The following NRG3 variants were observed in gnomAD, a reference collection of about 807,000 sequenced individuals.
NRG3 encodes the protein pro-neuregulin-3, membrane-bound isoform.
Under a neutral mutation model 66.9 loss-of-function variants are expected in NRG3, and 31 were observed. That is an observed-to-expected ratio of 0.46 (90% CI 0.35 to 0.63). The LOEUF is 0.63. NRG3 is among the 20% of genes least tolerant of loss of function. The pLI is 0.00. For missense variants in NRG3, 910 were observed against 878.9 expected (o/e 1.04, Z -0.45); for synonymous variants, 393 against 359.4 (o/e 1.09, Z -1.06).
chr10:82,739,570 G>A (rs1277514613), intron 3 of NRG3, among the ~76,000 whole-genome samples: 1 of 152,122 alleles, frequency 6.6e-6, no homozygotes, highest in Admixed American at 6.5e-5. Context: ...ACGTGTCTAG[G>A]CATCTTCCAA....
chr10:82,049,572 T>A (rs1013065852), intron 1 of NRG3, among the ~76,000 whole-genome samples: 2 of 152,142 alleles, frequency 1.3e-5, no homozygotes, highest in African/African-American at 4.8e-5. Flanking sequence ...GACTTTATGT[T>A]GTTTCTGCTT....
chr10:82,028,945 A>G (rs2062441185), intron 1 of NRG3, among the ~76,000 whole-genome samples: 1 of 152,114 alleles, frequency 6.6e-6, no homozygotes, highest in Admixed American at 6.6e-5. Context: ...GCGGTGGCTC[A>G]CACCTGTAAT....
chr10:82,238,902 A>C (rs894123726), intron 1 of NRG3, among the ~76,000 whole-genome samples: 1 of 148,778 alleles, frequency 6.7e-6, no homozygotes, highest in African/African-American at 2.5e-5. Flanking sequence ...CATTATTTTT[A>C]GGTTATACCG....
chr10:82,701,066 A>G (rs1316100699), intron 2 of NRG3, among the ~76,000 whole-genome samples: 1 of 151,996 alleles, frequency 6.6e-6, no homozygotes, highest in Non-Finnish European at 1.5e-5. Context: ...TATATATTAT[A>G]GATGAAGATA....
chr10:82,029,369 A>ATAC (rs2132860001), intron 1 of NRG3, among the ~76,000 whole-genome samples: 1 of 152,278 alleles, frequency 6.6e-6, no homozygotes, highest in South Asian at 2.1e-4. Flanking sequence ...GGATTAAATT[A>ATAC]AATCATGTAT....
intron 4 of NRG3, among the ~76,000 whole-genome samples, chr10:82,921,386 G>A (rs1476308318): frequency 6.6e-6 from 1 of 152,074 alleles, no homozygotes; most frequent in Non-Finnish European, 1.5e-5. Flanking sequence ...TCCAGATGAG[G>A]GATTTGAATA....
chr10:81,948,261 C>T (rs1849027618), intron 1 of NRG3, among the ~76,000 whole-genome samples: 1 of 152,168 alleles, frequency 6.6e-6, no homozygotes, highest in Non-Finnish European at 1.5e-5. Context: ...TCCTATACAG[C>T]CCCTTCCCCT....
chr10:82,058,255 T>G (rs184743131), intron 1 of NRG3, among the ~76,000 whole-genome samples: 2 of 152,118 alleles, frequency 1.3e-5, no homozygotes, highest in Admixed American at 1.3e-4. Flanking sequence ...CCTAGTTTGT[T>G]ATATCTAGTT....
chr10:82,937,161 C>T (rs1848154992), intron 4 of NRG3, among the ~76,000 whole-genome samples: 1 of 152,084 alleles, frequency 6.6e-6, no homozygotes, highest in African/African-American at 2.4e-5. Context: ...CATGTTACCT[C>T]TCAAATTCAG....
chr10:82,524,446 G>T lies in NRG3; in HGVS notation c.953+165578G>T, dbSNP rs1057219230. Among the ~76,000 whole-genome samples, 38 of 151,818 alleles carry T rather than the reference G, an allele frequency of 2.5e-4. 1 individual carries two copies. Among genetic ancestry groups the T allele is most frequent in the Non-Finnish European group, 1.0e-4 (7 of 67,840 alleles). ...AAACCCCTAAAAATAATTCACTGGG[G>T]TATCAAATTATATGCCTACATTTGT... On this transcript the variant is annotated intron_variant, in intron 2 of 8. Coordinates refer to ENST00000372141, the MANE Select transcript of NRG3 (RefSeq NM_001010848.4).
chr10:82,379,662 G>T (rs1050827945), intron 2 of NRG3, among the ~76,000 whole-genome samples: 1 of 151,988 alleles, frequency 6.6e-6, no homozygotes, highest in Non-Finnish European at 1.5e-5. Flanking sequence ...GGGGAAGAAG[G>T]ACTCTGGTTT....
chr10:82,780,817 G>A (rs1018969128), intron 3 of NRG3, among the ~76,000 whole-genome samples: 2 of 152,074 alleles, frequency 1.3e-5, no homozygotes, highest in Non-Finnish European at 1.5e-5. Flanking sequence ...CATTAGCTAG[G>A]CTCTGGAAGA....
At chr10:82,205,973 C>T (rs756991549) in intron 1 of NRG3, among the ~76,000 whole-genome samples, 7 of 152,108 alleles carry the variant, frequency 4.6e-5, no homozygotes, top group East Asian at 1.9e-4. Flanking sequence ...TTGCAATGGT[C>T]TATTCCAAAT....
chr10:82,303,384 TC>T (rs1272810714), intron 1 of NRG3, among the ~76,000 whole-genome samples: 2 of 149,392 alleles, frequency 1.3e-5, no homozygotes, highest in African/African-American at 2.5e-5. Context: ...CTACCACTCT[TC>T]CCCCTTATCC....
intron 1 of NRG3, among the ~76,000 whole-genome samples, chr10:81,949,393 A>G (rs1282296393): frequency 6.6e-6 from 1 of 152,164 alleles, no homozygotes; most frequent in Admixed American, 6.6e-5. Flanking sequence ...ATCCTTAGCG[A>G]CCTGTCTAGT....
intron 1 of NRG3, among the ~76,000 whole-genome samples, chr10:82,132,442 A>G (rs1446248148): frequency 2.2e-5 from 3 of 137,384 alleles, no homozygotes; most frequent in African/African-American, 8.3e-5. Context: ...GTTTGCTAAT[A>G]TCTTTTATAT....
intron 4 of NRG3, among the ~76,000 whole-genome samples, chr10:82,878,611 G>A (rs757185351): frequency 8.5e-5 from 13 of 152,168 alleles, no homozygotes; most frequent in African/African-American, 2.7e-4. Flanking sequence ...TGGTCTTCGA[G>A]GAAAGAGCAC....
chr10:82,615,964 T>A (rs1047847661), intron 2 of NRG3, among the ~76,000 whole-genome samples: 6 of 152,174 alleles, frequency 3.9e-5, no homozygotes, highest in African/African-American at 1.2e-4. Context: ...TAGATATTAT[T>A]TTTGAGCACT....
chr10:81,952,646 C>T (rs1034810096), intron 1 of NRG3, among the ~76,000 whole-genome samples: 3 of 152,024 alleles, frequency 2.0e-5, no homozygotes, highest in Non-Finnish European at 2.9e-5. Context: ...TTTTTTCTAC[C>T]TGTGTTGGAG....
Sources: gnomAD v4.1 joint callset for allele counts (sites outside exome capture counted in the v4.1 genomes callset) on GRCh38, gnomAD v4.1.1 for gene constraint, MANE v1.5 for transcripts, NCBI Gene and HGNC (gene_info 2026-07-23, HGNC 2026-07-21) for gene names.